Variants in SPOCK3 observed in about 807,000 individuals in gnomAD.
SPOCK3 encodes SPARC (osteonectin), cwcv and kazal like domains proteoglycan 3, also known as testican-3.
Under a neutral mutation model 56.6 loss-of-function variants are expected in SPOCK3, and 30 were observed. That is an observed-to-expected ratio of 0.53 (90% confidence interval 0.40 to 0.72). The LOEUF (loss-of-function observed/expected upper bound fraction) is 0.72, where lower values mean the gene tolerates loss of function less well. Among genes scored for constraint, SPOCK3 ranks in the 30% least tolerant of loss-of-function variants. SPOCK3 has a pLI of 0.00. For synonymous variants in SPOCK3, 196 were observed against 183.3 expected (o/e 1.07, Z -0.56); for missense variants, 527 against 530.0 (o/e 0.99, Z 0.06).
chr4:166,964,937 G>T (rs1380514739), intron 4 of SPOCK3, among the ~76,000 whole-genome samples: 1 of 151,752 alleles, frequency 6.6e-6, no homozygotes, highest in Admixed American at 6.6e-5. Context: ...CAACTGTAAA[G>T]ATGTAAAGAC....
intron 4 of SPOCK3, among the ~76,000 whole-genome samples, chr4:166,957,293 A>G (rs1743607852): frequency 6.6e-6 from 1 of 152,204 alleles, no homozygotes; most frequent in Non-Finnish European, 1.5e-5. Context: ...CCCCCACATG[A>G]TGTGAATATT....
intron 2 of SPOCK3, among the ~76,000 whole-genome samples, chr4:167,065,008 C>T (rs75108868): frequency 0.011 from 1,345 of 127,222 alleles, 12 homozygotes; most frequent in Non-Finnish European, 0.017. Context: ...AACTCCTCCT[C>T]CTCCTATTTT....
At chr4:166,974,524 T>C (rs1439256760) in intron 4 of SPOCK3, among the ~76,000 whole-genome samples, 5 of 152,174 alleles carry the variant, frequency 3.3e-5, no homozygotes, top group Admixed American at 3.3e-4. Flanking sequence ...TAATAATCTA[T>C]AATATGTATC....
chr4:166,791,350 A>G (rs1741327838), intron 7 of SPOCK3, among the ~76,000 whole-genome samples: 1 of 152,188 alleles, frequency 6.6e-6, no homozygotes, highest in Non-Finnish European at 1.5e-5. Context: ...GTGAGAGTGG[A>G]TGGATCACAT....
intron 8 of SPOCK3, among the ~76,000 whole-genome samples, chr4:166,753,899 C>T (rs141571539): frequency 3.3e-5 from 5 of 151,902 alleles, no homozygotes; most frequent in African/African-American, 1.2e-4. Flanking sequence ...TTTACATTTC[C>T]TAATACAGAA....
At chr4:166,817,481 C>T (rs1158217035) in intron 6 of SPOCK3, among the ~76,000 whole-genome samples, 2 of 151,834 alleles carry the variant, frequency 1.3e-5, no homozygotes, top group Admixed American at 1.3e-4. Context: ...GTATTGTATC[C>T]CAACTGATAG....
intron 4 of SPOCK3, among the ~76,000 whole-genome samples, chr4:166,984,396 G>A (rs1561084984): frequency 6.6e-6 from 1 of 151,998 alleles, no homozygotes; most frequent in Non-Finnish European, 1.5e-5. Context: ...AACAAAAGTT[G>A]ACTTTTTCTT....
chr4:167,193,833 C>A (rs1732686277), intron 2 of SPOCK3, among the ~76,000 whole-genome samples: 1 of 143,272 alleles, frequency 7.0e-6, no homozygotes, highest in African/African-American at 2.7e-5. Context: ...TTGATTATAA[C>A]ATATCTCATG....
At chr4:166,838,666 T>C (rs894985848) in intron 6 of SPOCK3, among the ~76,000 whole-genome samples, 1 of 147,108 alleles carries the variant, frequency 6.8e-6, no homozygotes, top group African/African-American at 2.5e-5. Flanking sequence ...AAAATCCTTG[T>C]CATAGACCGG....
At chr4:167,028,267 C>T (rs749062156) in intron 3 of SPOCK3, among the ~76,000 whole-genome samples, 2 of 150,602 alleles carry the variant, frequency 1.3e-5, no homozygotes, top group African/African-American at 2.4e-5. Context: ...TGCATTGCTA[C>T]TTGGGAGACT....
intron 2 of SPOCK3, among the ~76,000 whole-genome samples, chr4:167,202,277 C>A (rs1733592806): frequency 6.6e-6 from 1 of 151,806 alleles, no homozygotes; most frequent in Non-Finnish European, 1.5e-5. Flanking sequence ...GCAGCAACTG[C>A]AATCTATTAT....
At chr4:166,810,637 C>T (rs1743671615) in intron 6 of SPOCK3, among the ~76,000 whole-genome samples, 1 of 151,788 alleles carries the variant, frequency 6.6e-6, no homozygotes, top group South Asian at 2.1e-4. Flanking sequence ...CCTTCAAATC[C>T]TGGAATTCAT....
intron 2 of SPOCK3, among the ~76,000 whole-genome samples, chr4:167,106,894 T>G (rs1760212414): frequency 6.6e-6 from 1 of 151,436 alleles, no homozygotes; most frequent in African/African-American, 2.4e-5. Context: ...GCCAACAAAT[T>G]GGAAAATCTA....
At chr4:166,797,714 T>C (rs913841473) in intron 6 of SPOCK3, among the ~76,000 whole-genome samples, 1 of 152,188 alleles carries the variant, frequency 6.6e-6, no homozygotes, top group South Asian at 2.1e-4. Context: ...CAGATTCTAA[T>C]GTATATTAAC....
At chr4:167,197,767 A>T (rs1242898359) in intron 2 of SPOCK3, among the ~76,000 whole-genome samples, 1 of 152,192 alleles carries the variant, frequency 6.6e-6, no homozygotes, top group Non-Finnish European at 1.5e-5. Flanking sequence ...AAAAATAAGC[A>T]TGAAAAATGA....
intron 3 of SPOCK3, among the ~76,000 whole-genome samples, chr4:167,034,446 T>C (rs1752550202): frequency 6.6e-6 from 1 of 152,038 alleles, no homozygotes; most frequent in African/African-American, 2.4e-5. Context: ...TTTTGCTTAA[T>C]AGAAAGATAG....
chr4:167,042,596 A>G (rs1233938322), intron 3 of SPOCK3, among the ~76,000 whole-genome samples: 1 of 152,090 alleles, frequency 6.6e-6, no homozygotes, highest in East Asian at 1.9e-4. Context: ...TATGTCTTAA[A>G]TTTGTGTGTG....
intron 4 of SPOCK3, among the ~76,000 whole-genome samples, chr4:166,948,775 A>AT: frequency 6.6e-6 from 1 of 151,722 alleles, no homozygotes; most frequent in South Asian, 2.1e-4. Context: ...TGCCCTTAAC[A>AT]TTTTTTCCTT....
chr4:166,736,720 C>T (rs116459564), intron 10 of SPOCK3, among the ~76,000 whole-genome samples: 2,448 of 151,032 alleles, frequency 0.016, 69 homozygotes, highest in African/African-American at 0.056. Context: ...TGTGTGTGCG[C>T]GTGTGTGTGT....
Sources: allele counts gnomAD v4.1 joint callset (sites outside exome capture counted in the v4.1 genomes callset), GRCh38; gene constraint gnomAD v4.1.1; transcripts MANE v1.5; gene names NCBI Gene and HGNC (gene_info 2026-07-23, HGNC 2026-07-21).